The following FSCN3 variants were observed in gnomAD, a reference collection of about 807,000 sequenced individuals.
The protein encoded by FSCN3 is fascin-3.
Under a neutral mutation model 53.5 loss-of-function variants are expected in FSCN3, and 43 were observed. That is an observed-to-expected ratio of 0.80 (90% CI 0.63 to 1.04). The LOEUF (loss-of-function observed/expected upper bound fraction) is 1.04. Ranked by LOEUF, FSCN3 falls within the 50% of genes least tolerant of loss-of-function variation. The probability of loss-of-function intolerance (pLI) is 0.00; values close to 1 mark genes in which losing one functional copy is unlikely to be tolerated. For missense variants in FSCN3, 594 were observed against 646.5 expected (o/e 0.92, Z 0.88); for synonymous variants, 235 against 246.6 (o/e 0.95, Z 0.44).
At chr7:127,600,450 A>C (rs1794456746) in intron 6 of FSCN3, 51 bp downstream of exon 6, 2 of 1,125,756 alleles carry the variant, frequency 1.8e-6, no homozygotes, top group Non-Finnish European at 2.7e-6. Context: ...CCATGGGGCA[A>C]GAGGAGAAGG....
chr7:127,595,774 G>A lies in FSCN3; in HGVS notation c.612G>A (p.Arg204=). Residue 204 remains arginine (R), a synonymous_variant, in exon 2 of 7, where the codon CGG becomes CGA. Transcript: ENST00000265825. ...ACCACTTCTTGTCCCATGTAGACCG[G>A]CTGTTCTCCCAACCCTCATCACAGA... The part of the protein sequence containing the change: ...STHHFLSHVD[R]LFSQPSSQTA... 2 of 1,613,946 alleles carry A rather than the reference G, an allele frequency of 1.2e-6. No homozygotes were observed. The highest frequency in any genetic ancestry group is 1.7e-6 in the Non-Finnish European group (2 of 1,179,864).
chr7:127,598,507 T>C lies in FSCN3; in HGVS notation c.1033T>C (p.Cys345Arg), dbSNP rs768229154. The C allele has an allele frequency of 1.2e-6, 2 of 1,613,998 alleles. No homozygotes were observed. The highest frequency in any genetic ancestry group is 1.1e-5 in the South Asian group (1 of 91,086). The change falls in exon 4 of 7, where the codon TGT (cysteine) becomes CGT (arginine). Residue 345 changes from cysteine (C) to arginine (R), a missense_variant. Coordinates refer to ENST00000265825, the MANE Select transcript of FSCN3 (RefSeq NM_020369.3). Reference sequence around the variant, plus strand: ...CACGTTCTTCCGAATGCACTGGAACTGTGGCAGGATCATCCTGCAGTCCTG... The same window carrying C: ...CACGTTCTTCCGAATGCACTGGAACCGTGGCAGGATCATCCTGCAGTCCTG... The part of the protein sequence containing the change: ...SDTFFRMHWN[C>R]GRIILQSCRG...
Position 127,601,630 on chromosome 7 carries a change from G to A in FSCN3, c.*8G>A, listed in dbSNP as rs1447345412. 4 of 152,216 alleles carry A rather than the reference G, an allele frequency of 2.6e-5. No homozygotes were observed. The highest frequency in any genetic ancestry group is 6.5e-5 in the Admixed American group (1 of 15,286). The allele number at this position is 152,216 out of a possible 1,614,324, so 9.4% of individuals were successfully genotyped here. A position where few individuals can be genotyped will look rare whatever the true frequency, so the allele number is the denominator to read the frequency against. The stretch of plus-strand genomic sequence containing the variant: ...TTCCTCTTTCCTCTCCAGGTCAATG[G>A]GATGTCACCTACCAAAATCCAAATC... On this transcript the variant is annotated 3_prime_UTR_variant, in exon 7 of 7. Coordinates refer to ENST00000265825, the MANE Select transcript of FSCN3 (RefSeq NM_020369.3).
At chr7:127,594,023 C>T (rs1286580146) in intron 1 of FSCN3, 26 bp downstream of exon 1, 1 of 1,611,100 alleles carries the variant, frequency 6.2e-7, no homozygotes, top group Non-Finnish European at 8.5e-7. Flanking sequence ...CATGCTGGCA[C>T]CAGTTTTCTG....
In FSCN3 at chr7:127,596,339, C is replaced by G. The variant is rs148605578; in HGVS notation, c.853C>G (p.Arg285Gly). Reference sequence around the variant, plus strand: ...CGCTTCCTCTGCAGATGGTGAGGTGCGTGCTGCTTCTGAGCGCTTAAACCG... The same window carrying G: ...CGCTTCCTCTGCAGATGGTGAGGTGGGTGCTGCTTCTGAGCGCTTAAACCG... ...FISVIYDGEVRAASERLNRMS... is the reference protein window; with the variant it reads ...FISVIYDGEVGAASERLNRMS... The change falls in exon 3 of 7, where the codon CGT (arginine) becomes GGT (glycine). Residue 285 changes from arginine (R) to glycine (G), a missense_variant. Arg to Gly is a moderately radical substitution (Grantham distance 125). Transcript: ENST00000265825. 1.2e-6 allele frequency: 2 copies of G among 1,607,778 alleles called. No individual in the cohort carries two copies. Among genetic ancestry groups the G allele is most frequent in the Admixed American group, 1.7e-5 (1 of 59,980 alleles).
intron 5 of FSCN3, 30 bp downstream of exon 5, chr7:127,599,581 T>G (rs200951221): frequency 1.5e-4 from 234 of 1,603,918 alleles, no homozygotes; most frequent in Admixed American, 2.0e-4. Flanking sequence ...TGCCCAAGGG[T>G]TCACAGTCTA....
In FSCN3 at chr7:127,598,603, A is replaced by G. The variant is rs1794425966; in HGVS notation, c.1120+9A>G. The G allele has an allele frequency of 6.3e-7, 1 of 1,591,400 alleles. No homozygotes were observed. Among genetic ancestry groups the G allele is most frequent in the African/African-American group, 1.3e-5 (1 of 74,222 alleles). ...CAATGTCATCCTTCCAGGTGAGTGGAGCAGCCTTCCTGCCAGATGATTCCA... is the reference window on the plus strand; with the variant it reads ...CAATGTCATCCTTCCAGGTGAGTGGGGCAGCCTTCCTGCCAGATGATTCCA... On this transcript the variant is annotated intron_variant, in intron 4 of 6. Coordinates refer to ENST00000265825, the MANE Select transcript of FSCN3 (RefSeq NM_020369.3).
chr7:127,597,689 A>T (rs1379481933), intron 3 of FSCN3, among the ~76,000 whole-genome samples: 4 of 152,154 alleles, frequency 2.6e-5, no homozygotes, highest in African/African-American at 9.7e-5. Context: ...TACATTGGCC[A>T]GGCTGGTCTC....
Position 127,600,252 on chromosome 7 carries a change from G to A in FSCN3, c.1350G>A (p.Lys450=). 6.2e-7 allele frequency: 1 copy of A among 1,610,890 alleles called. No homozygotes were observed. The highest frequency in any genetic ancestry group is 8.5e-7 in the Non-Finnish European group (1 of 1,176,958). ...TSFGTFRPWG[K]FALNFCIELQ... ...TTGGCACCTTTCGCCCTTGGGGCAA[G>A]TTTGCCCTCAACTTCTGTATCGAGC... is the stretch of plus-strand genomic sequence containing the variant. The change falls in exon 6 of 7, where the codon AAG becomes AAA. Residue 450 remains lysine (K), a synonymous_variant. Transcript: ENST00000265825.
chr7:127,596,260 G>T, intron 2 of FSCN3, 68 bp from the exon 3 acceptor site: 1 of 1,540,738 alleles, frequency 6.5e-7, no homozygotes, highest in Admixed American at 1.7e-5. Context: ...CAGAAGCCCC[G>T]GTCATAAAAC....
intron 3 of FSCN3, 21 bp downstream of exon 3, chr7:127,596,467 G>A: frequency 8.4e-7 from 1 of 1,188,290 alleles, no homozygotes; most frequent in Non-Finnish European, 1.3e-6. Flanking sequence ...GGCTTCCTGA[G>A]CAAGAGAAAC....
rs200461532 is a variant in FSCN3 at position 127,600,309 on chromosome 7, C to T, written c.1407C>T (p.Ala469=). Residue 469 remains alanine (A), a synonymous_variant, in exon 6 of 7, where the codon GCC becomes GCT. Transcript: ENST00000265825. ...GGAGCAACTTACTCACTGTACTGGC[C>T]CCCAATGGCTTCTACATGCGAGCCG... ...LQGSNLLTVL[A]PNGFYMRADQ... is the part of the protein sequence containing the mutation. 14 of 1,611,626 alleles carry T rather than the reference C, an allele frequency of 8.7e-6. No homozygotes were observed. Among genetic ancestry groups the T allele is most frequent in the African/African-American group, 4.0e-5 (3 of 75,012 alleles).
chr7:127,601,467 A>G (rs1358277109), intron 6 of FSCN3, among the ~76,000 whole-genome samples, 156 bp from the exon 7 acceptor site: 1 of 152,200 alleles, frequency 6.6e-6, no homozygotes, highest in African/African-American at 2.4e-5. Flanking sequence ...CTTTAAGTTA[A>G]CTTCACATGT....
intron 1 of FSCN3, chr7:127,594,385 C>T: frequency 2.2e-6 from 1 of 450,658 alleles, no homozygotes; most frequent in Non-Finnish European, 4.6e-6. Flanking sequence ...CTTTTGTTCA[C>T]AGACCCTATT....
chr7:127,599,703 T>C (rs1357507440), intron 5 of FSCN3, 152 bp downstream of exon 5: 7 of 657,880 alleles, frequency 1.1e-5, no homozygotes, highest in Non-Finnish European at 1.8e-5. Flanking sequence ...CCCAGCACTT[T>C]GGGAGGCTGA....
intron 3 of FSCN3, among the ~76,000 whole-genome samples, chr7:127,598,015 G>A (rs778204871): frequency 6.6e-6 from 1 of 152,194 alleles, no homozygotes; most frequent in Non-Finnish European, 1.5e-5. Context: ...GTGAAGTTCA[G>A]TTTATCAATT....
chr7:127,593,954 A>C lies in FSCN3; in HGVS notation c.101A>C (p.Lys34Thr). The C allele has an allele frequency of 6.2e-7, 1 of 1,612,404 alleles. No individual in the cohort carries two copies. Among genetic ancestry groups the C allele is most frequent in the South Asian group, 1.1e-5 (1 of 90,440 alleles). The change falls in exon 1 of 7, where the codon AAG (lysine) becomes ACG (threonine). Residue 34 changes from lysine (K) to threonine (T), a missense_variant. Coordinates refer to ENST00000265825, the MANE Select transcript of FSCN3 (RefSeq NM_020369.3). ...AGTYLTFEACKNTVTATAKSL... is the reference protein window; with the variant it reads ...AGTYLTFEACTNTVTATAKSL... ...ACCTACCTCACCTTTGAGGCATGCA[A>C]GAATACAGTCACTGCAACTGCGAAG... is the stretch of plus-strand genomic sequence containing the variant.
In FSCN3 at chr7:127,598,580, A is replaced by C; in HGVS notation, c.1106A>C (p.Asn369Thr). ...GIAPNSLLMA[N>T]VILPGPNEEF... ...GCACCCAACAGCCTGCTGATGGCCA[A>C]TGTCATCCTTCCAGGTGAGTGGAGC... is the stretch of plus-strand genomic sequence containing the variant. The change falls in exon 4 of 7, where the codon AAT becomes ACT. Residue 369 changes from asparagine to threonine, a missense_variant. Transcript: ENST00000265825. 3 of 1,610,808 alleles carry C rather than the reference A, an allele frequency of 1.9e-6. No homozygotes were observed. Among genetic ancestry groups the C allele is most frequent in the Non-Finnish European group, 2.5e-6 (3 of 1,177,948 alleles).
chr7:127,595,909 C>A lies in FSCN3; in HGVS notation c.747C>A (p.Asn249Lys). 1.2e-6 allele frequency: 2 copies of A among 1,612,544 alleles called. No homozygotes were observed. Among genetic ancestry groups the A allele is most frequent in the Middle Eastern group, 1.7e-4 (1 of 6,052 alleles). Residue 249 changes from asparagine to lysine, a missense_variant, in exon 2 of 7, where the codon AAC (asparagine) becomes AAA (lysine). Asn to Lys is a moderately conservative substitution (Grantham distance 94, BLOSUM62 0). Coordinates refer to ENST00000265825, the MANE Select transcript of FSCN3 (RefSeq NM_020369.3). The stretch of plus-strand genomic sequence containing the variant: ...ATCTGCTCTTGGGCATGGGCTGCAA[C>A]CCCATGAGGGGTGAGGAGTGGTTCA... ...GTHLLLGMGC[N>K]PMRGEEWFIL...
Sources: allele counts gnomAD v4.1 joint callset (sites outside exome capture counted in the v4.1 genomes callset), GRCh38; gene constraint gnomAD v4.1.1; transcripts MANE v1.5; gene names NCBI Gene and HGNC (gene_info 2026-07-23, HGNC 2026-07-21).